The following SCTR variants were observed in gnomAD, a reference collection of about 807,000 sequenced individuals.
SCTR encodes secretin receptor.
In SCTR, 56 loss-of-function variants were observed where a neutral mutation model predicts 60.8. That is an observed-to-expected ratio of 0.92 (90% confidence interval 0.74 to 1.15). SCTR has a LOEUF of 1.15. SCTR is among the 50% of genes most tolerant of loss of function. The probability of loss-of-function intolerance (pLI) is 0.00; values close to 1 mark genes in which losing one functional copy is unlikely to be tolerated. For missense variants in SCTR, 562 were observed against 550.4 expected (o/e 1.02, Z -0.21); for synonymous variants, 202 against 217.0 (o/e 0.93, Z 0.61).
At chr2:119,470,447 CCCTT>C (rs1573845980) in intron 4 of SCTR, among the ~76,000 whole-genome samples, 1 of 152,122 alleles carries the variant, frequency 6.6e-6, no homozygotes, top group South Asian at 2.1e-4. Context: ...GGTCAGGAAA[CCCTT>C]CCAATCTCAG....
rs11323674 is a variant in SCTR, at chr2:119,464,454, G to GA, written c.504-200dup. Among the ~76,000 whole-genome samples the GA allele has an allele frequency of 7.2e-3, 917 of 126,690 alleles. 16 individuals are homozygous for GA. In the East Asian group the frequency reaches 0.073, roughly 10 times the overall value. The allele number at this position is 126,690 out of a possible 152,430, so 83.1% of individuals were successfully genotyped here. A position where few individuals can be genotyped will look rare whatever the true frequency, so the allele number is the denominator to read the frequency against. On this transcript the variant is annotated intron_variant, in intron 5 of 12. Transcript: ENST00000019103. ...TCTAATTTGCTACATGCTGCAGTGA[G>GA]AAAAAAAAAAAAAAAGGCCAGCCAC... is the stretch of plus-strand genomic sequence containing the variant.
intron 7 of SCTR, among the ~76,000 whole-genome samples, chr2:119,459,971 T>C (rs902415950): frequency 6.6e-6 from 1 of 152,028 alleles, no homozygotes; most frequent in Non-Finnish European, 1.5e-5. Flanking sequence ...AAGTCCCTGG[T>C]CCCCAGGCAC....
chr2:119,520,587 C>T (rs1302817642), intron 1 of SCTR, among the ~76,000 whole-genome samples: 5 of 152,084 alleles, frequency 3.3e-5, no homozygotes, highest in African/African-American at 1.2e-4. Context: ...CATGACCGGA[C>T]AGGGCAGCGA....
intron 7 of SCTR, among the ~76,000 whole-genome samples, chr2:119,456,557 A>C (rs979431215): frequency 6.6e-6 from 1 of 152,150 alleles, no homozygotes; most frequent in Non-Finnish European, 1.5e-5. Flanking sequence ...TTTGTGGAAG[A>C]AGGTGAAAGC....
At chr2:119,510,038 G>A (rs775670397) in intron 1 of SCTR, among the ~76,000 whole-genome samples, 25 of 151,846 alleles carry the variant, frequency 1.6e-4, no homozygotes, top group Non-Finnish European at 3.4e-4. Flanking sequence ...ACAACATGCA[G>A]GTTTGTTACA....
chr2:119,493,619 C>T (rs1678220986), intron 2 of SCTR, among the ~76,000 whole-genome samples: 1 of 150,418 alleles, frequency 6.6e-6, no homozygotes, highest in Admixed American at 6.7e-5. Flanking sequence ...CTGAAGAAGA[C>T]ATTATCACCT....
intron 7 of SCTR, 63 bp from the exon 8 acceptor site, chr2:119,453,410 A>G: frequency 7.7e-7 from 1 of 1,297,400 alleles, no homozygotes; most frequent in Non-Finnish European, 1.1e-6. Flanking sequence ...CACACATATC[A>G]GAACAGGACA....
chr2:119,475,667 TTTA>T (rs1677249167), intron 3 of SCTR, among the ~76,000 whole-genome samples: 1 of 147,668 alleles, frequency 6.8e-6, no homozygotes, highest in South Asian at 2.1e-4. Context: ...GATATTTATA[TTTA>T]TATTTGTATT....
Position 119,446,770 on chromosome 2 carries a change from C to A in SCTR, c.1129G>T (p.Gly377Cys). 1 of 1,548,592 alleles carries A rather than the reference C, an allele frequency of 6.5e-7. No homozygotes were observed. The highest frequency in any genetic ancestry group is 8.7e-7 in the Non-Finnish European group (1 of 1,144,846). Residue 377 changes from glycine to cysteine, a missense_variant, in exon 11 of 13, where the codon GGC becomes TGC. Gly to Cys is a radical substitution (Grantham distance 159, BLOSUM62 -3). Coordinates refer to ENST00000019103, the MANE Select transcript of SCTR (RefSeq NM_002980.3). ...TCCTGGAAACTTACCTGGAATGAGCCAAGGGCTAGTTCAAAAAACAGCTGG... is the reference window on the plus strand; with the variant it reads ...TCCTGGAAACTTACCTGGAATGAGCAAAGGGCTAGTTCAAAAAACAGCTGG... ...EIQLFFELAL[G>C]SFQGLVVAVL...
chr2:119,456,785 T>C (rs1460921956), intron 7 of SCTR, among the ~76,000 whole-genome samples: 1 of 152,126 alleles, frequency 6.6e-6, no homozygotes, highest in South Asian at 2.1e-4. Context: ...GGGCCACTAC[T>C]CCAGCATGAT....
At chr2:119,464,777 G>T (rs1329393223) in intron 5 of SCTR, among the ~76,000 whole-genome samples, 1 of 152,098 alleles carries the variant, frequency 6.6e-6, no homozygotes, top group African/African-American at 2.4e-5. Flanking sequence ...ATTGTATTCT[G>T]CCCTGACCTA....
chr2:119,445,110 TAGTCCAC>T (rs1413838665), intron 11 of SCTR, among the ~76,000 whole-genome samples: 3 of 151,972 alleles, frequency 2.0e-5, no homozygotes, highest in African/African-American at 7.3e-5. Context: ...CCTAGAGAAG[TAGTCCAC>T]AGTCCCAACC....
At chr2:119,471,602 C>G (rs1677015375) in intron 4 of SCTR, among the ~76,000 whole-genome samples, 1 of 152,182 alleles carries the variant, frequency 6.6e-6, no homozygotes, top group Non-Finnish European at 1.5e-5. Flanking sequence ...CACACAACTT[C>G]CTCCCTTCTC....
chr2:119,481,043 T>C (rs945927259), intron 2 of SCTR, among the ~76,000 whole-genome samples: 2 of 152,234 alleles, frequency 1.3e-5, no homozygotes, highest in African/African-American at 4.8e-5. Context: ...CTGAAAAGCC[T>C]GCCCAGAGCA....
intron 1 of SCTR, among the ~76,000 whole-genome samples, chr2:119,521,770 T>A (rs1304146361): frequency 6.6e-6 from 1 of 151,840 alleles, no homozygotes; most frequent in Non-Finnish European, 1.5e-5. Flanking sequence ...ACACTTAGAT[T>A]TCAAAATCAA....
chr2:119,515,402 G>A (rs1305402011), intron 1 of SCTR, among the ~76,000 whole-genome samples: 1 of 152,202 alleles, frequency 6.6e-6, no homozygotes, highest in East Asian at 1.9e-4. Context: ...TGGATTAAGG[G>A]CTAACTGCAT....
At chr2:119,509,634 A>T (rs1445371443) in intron 1 of SCTR, among the ~76,000 whole-genome samples, 2 of 152,134 alleles carry the variant, frequency 1.3e-5, no homozygotes, top group Non-Finnish European at 2.9e-5. Context: ...TCATCCAACA[A>T]TTCTTTTTTT....
intron 3 of SCTR, 58 bp downstream of exon 3, chr2:119,478,753 C>A (rs1677454024): frequency 6.4e-7 from 1 of 1,555,426 alleles, no homozygotes; most frequent in African/African-American, 1.4e-5. Context: ...AAGCTGAGGC[C>A]CCACCCAGAG....
At chr2:119,474,424 T>C (rs1677174628) in intron 3 of SCTR, among the ~76,000 whole-genome samples, 1 of 152,204 alleles carries the variant, frequency 6.6e-6, no homozygotes, top group African/African-American at 2.4e-5. Flanking sequence ...AAGGCCACCG[T>C]GAGGAGTTTC....
Sources: allele counts gnomAD v4.1 joint callset (sites outside exome capture counted in the v4.1 genomes callset), GRCh38; gene constraint gnomAD v4.1.1; transcripts MANE v1.5; gene names NCBI Gene and HGNC (gene_info 2026-07-23, HGNC 2026-07-21).